Variants in TENM2 observed in about 807,000 individuals in gnomAD.
TENM2 encodes the protein teneurin transmembrane protein 2, also known as teneurin-2.
A neutral mutation model predicts 245.2 loss-of-function variants in TENM2; 52 were observed. The ratio of observed to expected loss-of-function variants is 0.21; its 90% CI spans 0.17 to 0.27. The LOEUF (loss-of-function observed/expected upper bound fraction) is 0.27, where lower values mean the gene tolerates loss of function less well. Ranked by LOEUF, TENM2 falls within the 10% of genes least tolerant of loss-of-function variation. The pLI is 1.00. For synonymous variants in TENM2, 1,363 were observed against 1,438.9 expected, an observed-to-expected ratio of 0.95 and a Z score of 1.19; for missense variants, 3,046 against 3,666.8, an observed-to-expected ratio of 0.83 and a Z score of 4.37.
At chr5:167,159,748 A>G in the TENM2 span, among the ~76,000 whole-genome samples, 23 of 152,252 alleles carry the variant, frequency 1.5e-4, no homozygotes, top group African/African-American at 4.8e-4. Flanking sequence ...GAACCCCCAC[A>G]TTTCAGTTCT....
intron 2 of TENM2, among the ~76,000 whole-genome samples, chr5:167,826,472 C>T (rs1190108330): frequency 2.0e-5 from 3 of 152,212 alleles, no homozygotes; most frequent in African/African-American, 7.2e-5. Context: ...AAAACTATAG[C>T]ATAGAGATTT....
At chr5:167,191,490 T>A in the TENM2 span, among the ~76,000 whole-genome samples, 2 of 152,044 alleles carry the variant, frequency 1.3e-5, no homozygotes, top group Non-Finnish European at 2.9e-5. Flanking sequence ...GTATACATGC[T>A]CTTTCTGATC....
chr5:167,179,398 G>T, the TENM2 span, among the ~76,000 whole-genome samples: 11 of 152,164 alleles, frequency 7.2e-5, no homozygotes, highest in African/African-American at 2.7e-4. Context: ...TATAATTATT[G>T]TATTGTGGTT....
At chr5:167,284,537 A>AT (rs1393543174), upstream of TENM2, among the ~76,000 whole-genome samples, 3 of 152,124 alleles carry the variant, frequency 2.0e-5, no homozygotes, top group Non-Finnish European at 2.9e-5. Context: ...TGTTGTTACT[A>AT]TTTTTTTCCA....
intron 2 of TENM2, among the ~76,000 whole-genome samples, chr5:167,448,153 T>C (rs1582075232): frequency 6.6e-6 from 1 of 152,172 alleles, no homozygotes; most frequent in Non-Finnish European, 1.5e-5. Context: ...TCGCTGCTTA[T>C]ATGCAGCACA....
the TENM2 span, among the ~76,000 whole-genome samples, chr5:167,116,002 A>G: frequency 2.6e-5 from 4 of 152,208 alleles, no homozygotes; most frequent in South Asian, 8.3e-4. Flanking sequence ...TAAGGGAGAT[A>G]CTTTTAAAAT....
chr5:168,154,523 C>A (rs982027093), intron 12 of TENM2, among the ~76,000 whole-genome samples: 38 of 152,136 alleles, frequency 2.5e-4, no homozygotes, highest in African/African-American at 8.5e-4. Flanking sequence ...CCGCGCCTGG[C>A]CCCTTTCTCC....
At chr5:167,820,900 G>A (rs189998847) in intron 2 of TENM2, among the ~76,000 whole-genome samples, 1 of 152,290 alleles carries the variant, frequency 6.6e-6, no homozygotes, top group East Asian at 1.9e-4. Flanking sequence ...TTTGCAGGAA[G>A]GAAACAATGT....
the TENM2 span, among the ~76,000 whole-genome samples, chr5:167,226,131 G>C: frequency 6.6e-6 from 1 of 151,508 alleles, no homozygotes; most frequent in African/African-American, 2.4e-5. Flanking sequence ...CATTTGTATT[G>C]ATTTTTAGTC....
the TENM2 span, among the ~76,000 whole-genome samples, chr5:167,082,348 G>T: frequency 6.6e-6 from 1 of 152,036 alleles, no homozygotes; most frequent in Non-Finnish European, 1.5e-5. Flanking sequence ...GCAGTGGTGT[G>T]ATCCCGATTA....
intron 1 of TENM2, among the ~76,000 whole-genome samples, chr5:167,318,109 G>A (rs1242385645): frequency 6.6e-6 from 1 of 152,116 alleles, no homozygotes; most frequent in Non-Finnish European, 1.5e-5. Flanking sequence ...GAATGCAGAT[G>A]GTGTGTTCCT....
intron 2 of TENM2, among the ~76,000 whole-genome samples, chr5:167,512,889 C>A (rs1380602862): frequency 6.6e-6 from 1 of 152,056 alleles, no homozygotes; most frequent in Non-Finnish European, 1.5e-5. Context: ...TTCTTTGAAG[C>A]AGGGATGATA....
At chr5:167,067,491 G>A in the TENM2 span, among the ~76,000 whole-genome samples, 13 of 152,234 alleles carry the variant, frequency 8.5e-5, no homozygotes, top group Admixed American at 2.6e-4. Context: ...GAGAGGGTGA[G>A]TTAAATTAAT....
intron 28 of TENM2, 36 bp from the exon 31 acceptor site, chr5:168,262,013 A>C (rs1258990716): frequency 1.9e-6 from 3 of 1,596,218 alleles, no homozygotes; most frequent in Non-Finnish European, 2.6e-6. Flanking sequence ...TGCCCAGCTC[A>C]TCTTCTCAGC....
At chr5:167,015,610 T>C in the TENM2 span, among the ~76,000 whole-genome samples, 9 of 152,344 alleles carry the variant, frequency 5.9e-5, no homozygotes, top group East Asian at 9.6e-4. Flanking sequence ...AATTATCATA[T>C]GTGATTTCTG....
At chr5:167,193,474 CA>C in the TENM2 span, among the ~76,000 whole-genome samples, 1 of 145,766 alleles carries the variant, frequency 6.9e-6, no homozygotes, top group Non-Finnish European at 1.5e-5. Flanking sequence ...ATCTCTCCAT[CA>C]CATAGTTTGT....
At chr5:167,569,078 CTTTTTTTTTTTTTT>C (rs34311803) in intron 2 of TENM2, among the ~76,000 whole-genome samples, 1 of 48,966 alleles carries the variant, frequency 2.0e-5, no homozygotes, top group African/African-American at 9.3e-5. Flanking sequence ...CTTCCTACAG[CTTTTTTTTTTTTTT>C]TTTTTTTTTT....
At chr5:168,091,703 GGCA>G (rs1792957475) in intron 8 of TENM2, among the ~76,000 whole-genome samples, 1 of 152,210 alleles carries the variant, frequency 6.6e-6, no homozygotes, top group Non-Finnish European at 1.5e-5. Flanking sequence ...CAGTGGAAAT[GGCA>G]TGGGCTTCTG....
intron 2 of TENM2, among the ~76,000 whole-genome samples, chr5:167,600,721 T>C (rs753992282): frequency 1.2e-4 from 19 of 152,222 alleles, no homozygotes; most frequent in Non-Finnish European, 2.6e-4. Context: ...TCTGCCCAAG[T>C]AGATGTCAAC....
Sources: allele counts gnomAD v4.1 joint callset (sites outside exome capture counted in the v4.1 genomes callset), GRCh38; gene constraint gnomAD v4.1.1; transcripts MANE v1.5; gene names NCBI Gene and HGNC (gene_info 2026-07-23, HGNC 2026-07-21).